The following PTPRK variants were observed in gnomAD, a reference collection of about 807,000 sequenced individuals.
The protein encoded by PTPRK is protein tyrosine phosphatase receptor type K, also known as receptor-type tyrosine-protein phosphatase kappa.
In PTPRK, 75 loss-of-function variants were observed where a neutral mutation model predicts 178.0. That is an observed-to-expected ratio of 0.42 (90% CI 0.35 to 0.51). The LOEUF (loss-of-function observed/expected upper bound fraction) is 0.51. Among genes scored for constraint, PTPRK ranks in the 20% least tolerant of loss-of-function variants. The pLI, the probability that PTPRK is intolerant of heterozygous loss-of-function variation, is 0.02. For missense variants in PTPRK, 1,441 were observed against 1,797.8 expected, an observed-to-expected ratio of 0.80 and a Z score of 3.59; for synonymous variants, 637 against 620.6, an observed-to-expected ratio of 1.03 and a Z score of -0.39.
chr6:128,082,648 G>C lies in PTPRK; in HGVS notation c.1576-10C>G, dbSNP rs543714214. 6.4e-7 allele frequency: 1 copy of C among 1,566,896 alleles called. No individual in the cohort carries two copies. The highest frequency in any genetic ancestry group is 1.7e-5 in the Admixed American group (1 of 58,142). ...TACTGCTATAGCTGATCTGTTTTAA[G>C]AAATACATTTATTACATATCTAGTA... On this transcript the variant is annotated splice_polypyrimidine_tract_variant and intron_variant, in intron 9 of 29. Coordinates refer to ENST00000368226, the MANE Select transcript of PTPRK (RefSeq NM_002844.4).
intron 3 of PTPRK, among the ~76,000 whole-genome samples, chr6:128,291,386 A>T (rs1468507107): frequency 1.3e-5 from 2 of 152,168 alleles, no homozygotes; most frequent in African/African-American, 4.8e-5. Flanking sequence ...ATGTCAGGCT[A>T]CTGACCTAGA....
At chr6:128,133,358 A>G (rs547185409) in intron 7 of PTPRK, among the ~76,000 whole-genome samples, 4 of 152,324 alleles carry the variant, frequency 2.6e-5, no homozygotes, top group Admixed American at 6.5e-5. Flanking sequence ...ACATATATAA[A>G]TGATGAAATA....
At chr6:127,979,714 G>C (rs1157635920) in intron 25 of PTPRK, among the ~76,000 whole-genome samples, 1 of 152,120 alleles carries the variant, frequency 6.6e-6, no homozygotes, top group Non-Finnish European at 1.5e-5. Context: ...ACAGAATGTG[G>C]GCTTAACAGG....
At chr6:128,287,461 T>C (rs1340308143) in intron 3 of PTPRK, among the ~76,000 whole-genome samples, 1 of 152,208 alleles carries the variant, frequency 6.6e-6, no homozygotes, top group African/African-American at 2.4e-5. Context: ...AGCGTGATGA[T>C]AATCCAAAAC....
chr6:128,399,366 T>C (rs1584530674), intron 1 of PTPRK, among the ~76,000 whole-genome samples: 1 of 152,194 alleles, frequency 6.6e-6, no homozygotes, highest in Non-Finnish European at 1.5e-5. Flanking sequence ...AAGGAGAATA[T>C]GTTGAGTGTA....
chr6:128,479,575 A>C (rs2128422967), intron 1 of PTPRK, among the ~76,000 whole-genome samples: 1 of 152,274 alleles, frequency 6.6e-6, no homozygotes, highest in Non-Finnish European at 1.5e-5. Context: ...TAGGAGTATT[A>C]AGAAAGAGGT....
chr6:127,980,658 T>C (rs993598494), intron 25 of PTPRK, among the ~76,000 whole-genome samples: 6 of 152,252 alleles, frequency 3.9e-5, no homozygotes, highest in Admixed American at 1.3e-4. Flanking sequence ...TAGTTACTTA[T>C]AATAGTCCTT....
chr6:128,449,248 C>G (rs564045745), intron 1 of PTPRK, among the ~76,000 whole-genome samples: 3 of 152,246 alleles, frequency 2.0e-5, no homozygotes, highest in African/African-American at 7.2e-5. Flanking sequence ...AAGGGCTTCA[C>G]AAATCTCATA....
At chr6:128,025,128 C>T (rs1774094643) in intron 13 of PTPRK, among the ~76,000 whole-genome samples, 1 of 152,178 alleles carries the variant, frequency 6.6e-6, no homozygotes, top group Admixed American at 6.5e-5. Context: ...ATTTCCAAAT[C>T]CTCAACAAAC....
At chr6:128,055,841 A>T (rs1779793966) in intron 13 of PTPRK, among the ~76,000 whole-genome samples, 1 of 151,984 alleles carries the variant, frequency 6.6e-6, no homozygotes, top group Admixed American at 6.6e-5. Context: ...GCTTGAAGGG[A>T]TCTCTTGCCT....
chr6:128,036,798 C>T (rs528033099), intron 13 of PTPRK, among the ~76,000 whole-genome samples: 3 of 151,360 alleles, frequency 2.0e-5, no homozygotes, highest in East Asian at 1.9e-4. Context: ...TGCAATGGTG[C>T]GATCTCGGCT....
intron 3 of PTPRK, among the ~76,000 whole-genome samples, chr6:128,301,996 A>G (rs555037584): frequency 2.0e-4 from 31 of 152,326 alleles, no homozygotes; most frequent in Admixed American, 2.0e-3. Context: ...AGCAGATAAT[A>G]CAGATAACTT....
At chr6:128,015,449 A>C (rs575170520) in intron 13 of PTPRK, among the ~76,000 whole-genome samples, 11 of 151,502 alleles carry the variant, frequency 7.3e-5, no homozygotes, top group Admixed American at 1.3e-4. Context: ...TGAATTCTCC[A>C]CCCCACCTTC....
chr6:128,053,908 G>C (rs1341587385), intron 13 of PTPRK, among the ~76,000 whole-genome samples: 2 of 152,122 alleles, frequency 1.3e-5, no homozygotes, highest in African/African-American at 4.8e-5. Context: ...AGAAAAGGCT[G>C]AGAAAAAAGA....
intron 3 of PTPRK, among the ~76,000 whole-genome samples, chr6:128,268,978 A>G (rs115762366): frequency 0.013 from 1,974 of 152,170 alleles, 46 homozygotes; most frequent in African/African-American, 0.045. Context: ...GTAGGAAATC[A>G]GAAACTGTAT....
intron 7 of PTPRK, among the ~76,000 whole-genome samples, chr6:128,140,667 A>G (rs1333855170): frequency 6.6e-6 from 1 of 151,982 alleles, no homozygotes; most frequent in Admixed American, 6.6e-5. Context: ...CAGGATGTCC[A>G]TTTTACAGAT....
At chr6:128,504,415 T>C (rs961598309) in intron 1 of PTPRK, among the ~76,000 whole-genome samples, 4 of 152,190 alleles carry the variant, frequency 2.6e-5, no homozygotes, top group African/African-American at 9.7e-5. Flanking sequence ...GTGTGCCAAA[T>C]TGTGAACAAA....
chr6:128,128,008 C>G (rs546098156), intron 7 of PTPRK, among the ~76,000 whole-genome samples: 1 of 151,930 alleles, frequency 6.6e-6, no homozygotes, highest in African/African-American at 2.4e-5. Context: ...ACCATGAAAC[C>G]AAAACAAAAT....
At chr6:128,489,735 T>C (rs552991944) in intron 1 of PTPRK, among the ~76,000 whole-genome samples, 26 of 152,370 alleles carry the variant, frequency 1.7e-4, no homozygotes, top group Non-Finnish European at 2.1e-4. Flanking sequence ...GTATTCATTA[T>C]AAGTTTTGTT....
Sources: gnomAD v4.1 joint callset for allele counts (sites outside exome capture counted in the v4.1 genomes callset) on GRCh38, gnomAD v4.1.1 for gene constraint, MANE v1.5 for transcripts, NCBI Gene and HGNC (gene_info 2026-07-23, HGNC 2026-07-21) for gene names.